CDKL3: variants seen among roughly 807,000 people sequenced by gnomAD.
CDKL3 encodes cyclin-dependent kinase-like 3.
Under a neutral mutation model 69.3 loss-of-function variants are expected in CDKL3, and 65 were observed. That is an observed-to-expected ratio of 0.94 (90% CI 0.77 to 1.15). The LOEUF is 1.15. Ranked by LOEUF, CDKL3 falls within the 50% of genes most tolerant of loss-of-function variation. The pLI, the probability that CDKL3 is intolerant of heterozygous loss-of-function variation, is 0.00. For missense variants in CDKL3, 652 were observed against 689.2 expected, an observed-to-expected ratio of 0.95 and a Z score of 0.61; for synonymous variants, 202 against 221.6, an observed-to-expected ratio of 0.91 and a Z score of 0.79.
intron 4 of CDKL3, among the ~76,000 whole-genome samples, chr5:134,334,053 C>G (rs1391139637): frequency 2.0e-5 from 3 of 152,080 alleles, no homozygotes; most frequent in African/African-American, 7.2e-5. Context: ...GTGTATATGT[C>G]CAGGAATTTA....
chr5:134,333,757 T>C (rs1485226012), intron 4 of CDKL3, among the ~76,000 whole-genome samples: 1 of 152,254 alleles, frequency 6.6e-6, no homozygotes, highest in East Asian at 1.9e-4. Context: ...TCATCATTGA[T>C]ATTGGCCTAA....
intron 3 of CDKL3, 116 bp downstream of exon 3, chr5:134,359,781 C>A (rs1755561186): frequency 1.3e-6 from 1 of 752,070 alleles, no homozygotes; most frequent in Non-Finnish European, 2.1e-6. Flanking sequence ...TTCAGGATGT[C>A]TATTATTATT....
At chr5:134,315,651 A>C (rs1210915257) in intron 6 of CDKL3, among the ~76,000 whole-genome samples, 1 of 152,194 alleles carries the variant, frequency 6.6e-6, no homozygotes, top group East Asian at 1.9e-4. Flanking sequence ...TCTTTAAAAA[A>C]AGAAATACAA....
chr5:134,301,463 T>G (rs2149417652), intron 12 of CDKL3, among the ~76,000 whole-genome samples: 1 of 152,350 alleles, frequency 6.6e-6, no homozygotes, highest in East Asian at 1.9e-4. Flanking sequence ...TCAAGTAGCC[T>G]TGTTAAAATG....
chr5:134,293,711 G>A (rs2079067791), downstream of CDKL3, among the ~76,000 whole-genome samples: 1 of 152,014 alleles, frequency 6.6e-6, no homozygotes, highest in Admixed American at 6.6e-5. Flanking sequence ...GAGTTGGGAG[G>A]GCGGCTTGAG....
intron 8 of CDKL3, among the ~76,000 whole-genome samples, chr5:134,292,316 GAT>G (rs1765155387): frequency 6.6e-6 from 1 of 152,016 alleles, no homozygotes; most frequent in Admixed American, 6.6e-5. Context: ...GTAACAGAAA[GAT>G]ATTTGGAACA....
In CDKL3 at chr5:134,308,677, G is replaced by A. The variant is rs1263190127; in HGVS notation, c.932C>T (p.Ser311Leu). ...AKLLQEAKVNSLIKPKESSKE... is the reference protein window; with the variant it reads ...AKLLQEAKVNLLIKPKESSKE... ...AGAACTCTCTTTTGGCTTTATTAAT[G>A]AATTGACTTTTGCTTCCTGCAGTAA... The change falls in exon 8 of 13, where the codon TCA becomes TTA. Residue 311 changes from serine to leucine, a missense_variant. Physicochemically the swap from Ser to Leu is moderately radical, Grantham distance 145. Transcript: ENST00000265334. The A allele has an allele frequency of 6.2e-7, 1 of 1,604,750 alleles. No individual in the cohort carries two copies. The highest frequency in any genetic ancestry group is 1.1e-5 in the South Asian group (1 of 88,714).
At position 134,286,795 on chromosome 5, in the gene CDKL3, C is replaced by G. The variant is rs570738812; in HGVS notation, c.*678-236G>C. On this transcript the variant is annotated intron_variant and NMD_transcript_variant, in intron 8 of 8. Transcript: ENST00000519312. Reference sequence around the variant, plus strand: ...ACAGGAAAGACCTGCCCCCATGATTCAATTACCTCCCACCAGGTCCCTCCT... The same window carrying G: ...ACAGGAAAGACCTGCCCCCATGATTGAATTACCTCCCACCAGGTCCCTCCT... Among the ~76,000 whole-genome samples the G allele has an allele frequency of 7.2e-5, 11 of 152,274 alleles. No homozygotes were observed. In the East Asian group the frequency reaches 1.7e-3, roughly 24 times the overall value.
intron 4 of CDKL3, among the ~76,000 whole-genome samples, chr5:134,325,966 C>T (rs901461647): frequency 2.3e-5 from 3 of 130,058 alleles, no homozygotes; most frequent in Non-Finnish European, 4.7e-5. Context: ...TTAGCAGAGA[C>T]GGGGTTTCAC....
chr5:134,299,994 T>C (rs1195500424), intron 12 of CDKL3, among the ~76,000 whole-genome samples: 1 of 152,204 alleles, frequency 6.6e-6, no homozygotes, highest in East Asian at 1.9e-4. Flanking sequence ...TCTCTGGTTA[T>C]AGAACCTATT....
chr5:134,331,624 C>CA (rs1180651863), intron 4 of CDKL3, among the ~76,000 whole-genome samples: 1 of 152,160 alleles, frequency 6.6e-6, no homozygotes, highest in African/African-American at 2.4e-5. Context: ...CTGCAAAGGA[C>CA]ATGAACTCGT....
At chr5:134,368,370 G>T (rs1757914611), upstream of CDKL3, among the ~76,000 whole-genome samples, 1 of 152,196 alleles carries the variant, frequency 6.6e-6, no homozygotes, top group Non-Finnish European at 1.5e-5. Context: ...TGTAATCCCA[G>T]CACTTTGGGA....
rs559182900 is a variant in CDKL3, at chr5:134,308,270, G to C, written c.1232C>G (p.Pro411Arg). 1.2e-6 allele frequency: 2 copies of C among 1,613,876 alleles called. No homozygotes were observed. Among genetic ancestry groups the C allele is most frequent in the South Asian group, 2.2e-5 (2 of 91,084 alleles). ...TTTCAAGCCATTACAGTTAGTGCTGGGATTGATAGGGTTTGGTGGTTCAAT... is the reference window on the plus strand; with the variant it reads ...TTTCAAGCCATTACAGTTAGTGCTGCGATTGATAGGGTTTGGTGGTTCAAT... ...VTIEPPNPIN[P>R]STNCNGLKEN... is the part of the protein sequence containing the mutation. Residue 411 changes from proline (P) to arginine (R), a missense_variant, in exon 9 of 13, where the codon CCC (proline) becomes CGC (arginine). Transcript: ENST00000265334.
At chr5:134,329,162 G>C (rs1480214475) in intron 4 of CDKL3, among the ~76,000 whole-genome samples, 2 of 152,122 alleles carry the variant, frequency 1.3e-5, no homozygotes, top group African/African-American at 2.4e-5. Context: ...GCAATATAGT[G>C]AGACTTTGTC....
Position 134,306,628 on chromosome 5 carries a change from T to C in CDKL3, c.1439A>G (p.Glu480Gly), listed in dbSNP as rs1364582171. 1.9e-6 allele frequency: 3 copies of C among 1,596,388 alleles called. No individual in the cohort carries two copies. The highest frequency in any genetic ancestry group is 2.6e-6 in the Non-Finnish European group (3 of 1,172,674). The stretch of plus-strand genomic sequence containing the variant: ...CCTTACTTGAATAGGACCTGGATCC[T>C]CTTGCCTGCTATTAGGCATAACTTG... Reference protein sequence around the residue: ...IGQVMPNSRQEDPGPIQSQME... With the variant: ...IGQVMPNSRQGDPGPIQSQME... Residue 480 changes from glutamate (E) to glycine (G), a missense_variant, in exon 10 of 13, where the codon GAG (glutamate) becomes GGG (glycine). Physicochemically the swap from Glu to Gly is moderately conservative, Grantham distance 98. Transcript: ENST00000265334.
chr5:134,287,917 G>A (rs974523536), intron 8 of CDKL3, among the ~76,000 whole-genome samples: 7 of 120,858 alleles, frequency 5.8e-5, no homozygotes, highest in African/African-American at 3.2e-5. Flanking sequence ...TTTTTGAAAT[G>A]GCGTTTCACC....
chr5:134,331,671 T>C (rs1001436138), intron 4 of CDKL3, among the ~76,000 whole-genome samples: 2 of 152,226 alleles, frequency 1.3e-5, no homozygotes, highest in African/African-American at 2.4e-5. Context: ...ATGGTGTATA[T>C]GTGCCACATT....
At chr5:134,333,465 C>T (rs1776296454) in intron 4 of CDKL3, among the ~76,000 whole-genome samples, 1 of 151,994 alleles carries the variant, frequency 6.6e-6, no homozygotes, top group South Asian at 2.1e-4. Context: ...TCATAAATAG[C>T]TCTTATTTTG....
At chr5:134,332,287 C>T (rs199642572) in intron 4 of CDKL3, among the ~76,000 whole-genome samples, 1 of 152,104 alleles carries the variant, frequency 6.6e-6, no homozygotes, top group Non-Finnish European at 1.5e-5. Context: ...TGCAGAAGCT[C>T]TTTAGTTTAA....
Sources: gnomAD v4.1 joint callset for allele counts (sites outside exome capture counted in the v4.1 genomes callset) on GRCh38, gnomAD v4.1.1 for gene constraint, MANE v1.5 for transcripts, NCBI Gene and HGNC (gene_info 2026-07-23, HGNC 2026-07-21) for gene names.